Variants in GALNT1 observed in about 807,000 individuals in gnomAD.
The protein encoded by GALNT1 is polypeptide N-acetylgalactosaminyltransferase 1.
GALNT1 carries 17 observed loss-of-function variants against 65.7 expected under a neutral mutation model. The ratio of observed to expected loss-of-function variants is 0.26; its 90% CI spans 0.18 to 0.39. The LOEUF is 0.39. GALNT1 is among the 10% of genes least tolerant of loss of function. GALNT1 has a pLI of 1.00. For synonymous variants in GALNT1, 210 were observed against 219.7 expected (o/e 0.96, Z 0.39); for missense variants, 460 against 672.8 (o/e 0.68, Z 3.50).
chr18:35,704,361 G>A (rs1326453437), intron 11 of GALNT1, among the ~76,000 whole-genome samples: 1 of 150,494 alleles, frequency 6.6e-6, no homozygotes, highest in African/African-American at 2.5e-5. Flanking sequence ...CCAGGCTAGA[G>A]TGCAGTGGTA....
intron 1 of GALNT1, among the ~76,000 whole-genome samples, chr18:35,636,780 TTTG>T (rs1331700043): frequency 2.1e-5 from 3 of 141,816 alleles, no homozygotes; most frequent in Non-Finnish European, 3.0e-5. Context: ...CAGATACTAC[TTTG>T]TTTTTTTTTT....
In GALNT1 at chr18:35,710,693, C is replaced by T. The variant is rs1049041914; in HGVS notation, c.*923C>T. The T allele has an allele frequency of 2.0e-5, 3 of 152,518 alleles. No individual in the cohort carries two copies. Among genetic ancestry groups the T allele is most frequent in the Non-Finnish European group, 2.9e-5 (2 of 68,012 alleles). 9.4% of individuals were successfully genotyped at this position (152,518 alleles called of 1,614,324 possible). ...ACACACAAATTTCTTATCACATTTT[C>T]GACTTCTTCACTTGACCTAACTGAT... On this transcript the variant is annotated 3_prime_UTR_variant, in exon 12 of 12. Coordinates refer to ENST00000269195, the MANE Select transcript of GALNT1 (RefSeq NM_020474.4).
intron 1 of GALNT1, among the ~76,000 whole-genome samples, chr18:35,614,373 A>G (rs2046757012): frequency 6.6e-6 from 1 of 152,178 alleles, no homozygotes; most frequent in South Asian, 2.1e-4. Flanking sequence ...TATACAGAAA[A>G]AGAATTTATT....
intron 1 of GALNT1, among the ~76,000 whole-genome samples, chr18:35,588,749 G>T (rs1243525273): frequency 2.0e-5 from 3 of 151,842 alleles, no homozygotes; most frequent in Non-Finnish European, 4.4e-5. Context: ...ATTTGCTTTA[G>T]GTTTTTCTTC....
intron 4 of GALNT1, among the ~76,000 whole-genome samples, chr18:35,682,199 GGAAAGATCA>G (rs1241906978): frequency 6.6e-6 from 1 of 152,010 alleles, no homozygotes; most frequent in Admixed American, 6.5e-5. Flanking sequence ...AGCAGAAATG[GGAAAGATCA>G]GTGTTTTGGT....
rs186932106 is a variant in GALNT1, at chr18:35,628,031, G to A, written c.-103-26529G>A. On this transcript the variant is annotated intron_variant, in intron 1 of 11. Transcript: ENST00000269195. The stretch of plus-strand genomic sequence containing the variant: ...CAGCGAGGCTGGGGGAGGGGCACCC[G>A]CCATTGCTGAGGCTTGAGTAGGTAA... 6.4e-3 allele frequency among the ~76,000 whole-genome samples: 976 copies of A among 152,298 alleles called. 10 individuals carry two copies. Among genetic ancestry groups the A allele is most frequent in the African/African-American group, 0.022 (900 of 41,556 alleles).
intron 4 of GALNT1, 152 bp from the exon 5 acceptor site, chr18:35,683,239 C>T (rs2047813222): frequency 3.3e-6 from 2 of 612,264 alleles, no homozygotes; most frequent in Non-Finnish European, 5.7e-6. Flanking sequence ...AATATAAAGG[C>T]TTCCTTTAGC....
chr18:35,648,832 C>A (rs949982094), intron 1 of GALNT1, among the ~76,000 whole-genome samples: 5 of 152,110 alleles, frequency 3.3e-5, no homozygotes, highest in African/African-American at 1.2e-4. Flanking sequence ...GACCCCCAGC[C>A]CAAGAAAGTT....
Position 35,710,518 on chromosome 18 carries a change from T to C in GALNT1, c.*748T>C, listed in dbSNP as rs913254383. The C allele has an allele frequency of 3.6e-4, 54 of 152,104 alleles. No homozygotes were observed. The highest frequency in any genetic ancestry group is 1.2e-3 in the African/African-American group (51 of 41,450). 9.4% of individuals were successfully genotyped at this position (152,104 alleles called of 1,614,324 possible). ...ATATAGTTTTAATTTCTCTCTACAG[T>C]TTTTTTTGTTTGGTTTGTGGGCTGT... On this transcript the variant is annotated 3_prime_UTR_variant, in exon 12 of 12. Transcript: ENST00000269195.
chr18:35,650,996 G>C (rs914930293), intron 1 of GALNT1, among the ~76,000 whole-genome samples: 1 of 152,210 alleles, frequency 6.6e-6, no homozygotes, highest in Non-Finnish European at 1.5e-5. Context: ...AGAGATTGCA[G>C]TAAAGACAGG....
Position 35,634,686 on chromosome 18 carries a change from C to A in GALNT1, c.-103-19874C>A, listed in dbSNP as rs566535997. ...TCATGTAGGCATCTCCTGCCTAACA[C>A]ATACCAAAATTCCAGATTCCCGGAA... On this transcript the variant is annotated intron_variant, in intron 1 of 11. Transcript: ENST00000269195. Among the ~76,000 whole-genome samples the A allele has an allele frequency of 2.0e-5, 3 of 152,318 alleles. No individual in the cohort carries two copies. In the South Asian group the frequency reaches 6.2e-4, roughly 32 times the overall value.
intron 1 of GALNT1, among the ~76,000 whole-genome samples, chr18:35,585,903 C>T (rs1459123330): frequency 6.6e-6 from 1 of 152,106 alleles, no homozygotes; most frequent in East Asian, 1.9e-4. Flanking sequence ...TAGTTTTTGG[C>T]TATTGTGAAT....
chr18:35,687,560 A>G (rs2047887715), intron 6 of GALNT1, among the ~76,000 whole-genome samples: 1 of 152,192 alleles, frequency 6.6e-6, no homozygotes, highest in Admixed American at 6.5e-5. Flanking sequence ...GGGTCCTTGC[A>G]TTAAAATGTA....
chr18:35,583,107 C>G (rs759280785), intron 1 of GALNT1, among the ~76,000 whole-genome samples: 1 of 152,174 alleles, frequency 6.6e-6, no homozygotes, highest in Non-Finnish European at 1.5e-5. Context: ...ATAAGGGAGA[C>G]ACAATGTCCT....
intron 8 of GALNT1, 36 bp downstream of exon 8, chr18:35,691,228 A>G (rs369288146): frequency 1.3e-6 from 2 of 1,530,302 alleles, no homozygotes; most frequent in Non-Finnish European, 8.8e-7. Flanking sequence ...ACAAGGCTGT[A>G]CCTTTGTTGA....
At chr18:35,658,504 T>G (rs776913498) in intron 2 of GALNT1, among the ~76,000 whole-genome samples, 43 of 152,162 alleles carry the variant, frequency 2.8e-4, no homozygotes, top group Non-Finnish European at 5.0e-4. Context: ...TGCTTTGATA[T>G]GAAGTTTCAG....
intron 1 of GALNT1, among the ~76,000 whole-genome samples, chr18:35,608,362 A>T (rs959350362): frequency 6.6e-6 from 1 of 152,222 alleles, no homozygotes; most frequent in African/African-American, 2.4e-5. Context: ...GCCAATAAAT[A>T]ACCATGTAAT....
intron 1 of GALNT1, among the ~76,000 whole-genome samples, chr18:35,594,057 G>A (rs1241339): frequency 1 from 147,773 of 148,442 alleles, 73,557 homozygotes; most frequent in East Asian, 1. Context: ...GATTTTGGCA[G>A]TTAAATCAGT....
At chr18:35,697,796 C>T (rs1312901464) in intron 9 of GALNT1, among the ~76,000 whole-genome samples, 2 of 152,190 alleles carry the variant, frequency 1.3e-5, no homozygotes, top group South Asian at 4.1e-4. Context: ...CAGCTCCTCA[C>T]CCTTTATGAT....
Sources: gnomAD v4.1 joint callset for allele counts (sites outside exome capture counted in the v4.1 genomes callset) on GRCh38, gnomAD v4.1.1 for gene constraint, MANE v1.5 for transcripts, NCBI Gene and HGNC (gene_info 2026-07-23, HGNC 2026-07-21) for gene names.